Variants in KLHL8 observed in about 807,000 individuals in gnomAD.
KLHL8 encodes the protein kelch-like protein 8.
In KLHL8, 38 loss-of-function variants were observed where a neutral mutation model predicts 63.5. The ratio of observed to expected loss-of-function variants is 0.60; its 90% CI spans 0.46 to 0.78. The LOEUF (loss-of-function observed/expected upper bound fraction) is 0.78. KLHL8 is among the 30% of genes least tolerant of loss of function. The pLI is 0.00. For missense variants in KLHL8, 566 were observed against 752.4 expected, an observed-to-expected ratio of 0.75 and a Z score of 2.90; for synonymous variants, 224 against 254.3, an observed-to-expected ratio of 0.88 and a Z score of 1.13.
Position 87,161,522 on chromosome 4 carries a change from A to G in KLHL8, c.*1997T>C, listed in dbSNP as rs748092490. 2 of 152,220 alleles carry G rather than the reference A, an allele frequency of 1.3e-5. No individual in the cohort carries two copies. The highest frequency in any genetic ancestry group is 2.9e-5 in the Non-Finnish European group (2 of 68,034). 9.4% of individuals were successfully genotyped at this position (152,220 alleles called of 1,614,324 possible). ...TATAATAACCCTTATAACTCCTTAC[A>G]TATAAGAAAGACAGAAATACATCAA... On this transcript the variant is annotated 3_prime_UTR_variant, in exon 10 of 10. Transcript: ENST00000273963.
chr4:87,219,555 G>A (rs1032072638), intron 1 of KLHL8: 2 of 152,242 alleles, frequency 1.3e-5, no homozygotes, highest in Non-Finnish European at 2.9e-5. Flanking sequence ...CGTTTTCTAT[G>A]AAAAGTCACC....
At chr4:87,219,003 C>A (rs1381557307) in intron 1 of KLHL8, among the ~76,000 whole-genome samples, 2 of 151,916 alleles carry the variant, frequency 1.3e-5, no homozygotes, top group Non-Finnish European at 2.9e-5. Context: ...TCCCAAAGTG[C>A]TGGGATTACA....
At chr4:87,191,096 T>C (rs1368827560) in intron 2 of KLHL8, among the ~76,000 whole-genome samples, 1 of 152,150 alleles carries the variant, frequency 6.6e-6, no homozygotes, top group African/African-American at 2.4e-5. Flanking sequence ...TTAAAATGAA[T>C]AGTGAAGAGT....
chr4:87,235,310 G>A (rs1429955624), intron 1 of KLHL8, among the ~76,000 whole-genome samples: 1 of 152,012 alleles, frequency 6.6e-6, no homozygotes, highest in South Asian at 2.1e-4. Flanking sequence ...CCTTTCCTAC[G>A]TTTAGGTACA....
At position 87,195,588 on chromosome 4, in the gene KLHL8, AT is replaced by A. The variant is rs750291013; in HGVS notation, c.-50del. Reference sequence around the variant, plus strand: ...AGCTCTCTTCTCAAACATGCCATTTATTTTTTTTCAAAGGGTAGAGAGAAGG... The same window carrying A: ...AGCTCTCTTCTCAAACATGCCATTTATTTTTTTCAAAGGGTAGAGAGAAGG... On this transcript the variant is annotated 5_prime_UTR_variant, in exon 2 of 10. Transcript: ENST00000273963. 1.3e-5 allele frequency: 20 copies of A among 1,510,828 alleles called. No homozygotes were observed. Among genetic ancestry groups the A allele is most frequent in the East Asian group, 2.3e-5 (1 of 44,296 alleles). 93.6% of individuals were successfully genotyped at this position (1,510,828 alleles called of 1,614,324 possible).
intron 2 of KLHL8, among the ~76,000 whole-genome samples, chr4:87,189,949 G>A (rs940456901): frequency 4.7e-5 from 7 of 148,002 alleles, no homozygotes; most frequent in African/African-American, 1.5e-4. Context: ...CAGGAGAATC[G>A]CTTGAACCTC....
intron 9 of KLHL8, 79 bp from the exon 10 acceptor site, chr4:87,163,721 T>C: frequency 6.3e-7 from 1 of 1,581,444 alleles, no homozygotes; most frequent in Non-Finnish European, 8.6e-7. Context: ...AAAAATTCCC[T>C]ATGTGAGACT....
At chr4:87,227,606 T>C (rs893119725) in intron 1 of KLHL8, among the ~76,000 whole-genome samples, 52 of 126,336 alleles carry the variant, frequency 4.1e-4, no homozygotes, top group African/African-American at 1.4e-3. Flanking sequence ...GCTATGATCA[T>C]GCCATGCAGT....
chr4:87,180,405 A>C (rs1731005870), intron 4 of KLHL8, among the ~76,000 whole-genome samples: 1 of 152,234 alleles, frequency 6.6e-6, no homozygotes, highest in South Asian at 2.1e-4. Flanking sequence ...TTCACAACCA[A>C]GGCTAAGGTT....
At chr4:87,212,886 TG>T (rs1327768842) in intron 1 of KLHL8, among the ~76,000 whole-genome samples, 2 of 152,214 alleles carry the variant, frequency 1.3e-5, no homozygotes, top group Non-Finnish European at 2.9e-5. Context: ...CACCTAGGTT[TG>T]TGTAAGTATA....
chr4:87,164,901 C>T (rs1376474421), intron 8 of KLHL8, among the ~76,000 whole-genome samples: 1 of 151,990 alleles, frequency 6.6e-6, no homozygotes, highest in Non-Finnish European at 1.5e-5. Context: ...GTAATCCCAG[C>T]ACTTTGGGAG....
intron 4 of KLHL8, among the ~76,000 whole-genome samples, chr4:87,180,032 A>G (rs1033641316): frequency 9.2e-5 from 14 of 152,212 alleles, no homozygotes; most frequent in Admixed American, 6.5e-4. Context: ...TACTTTGAGC[A>G]GCAAAGGCTA....
chr4:87,239,028 T>C (rs188657307), intron 1 of KLHL8, among the ~76,000 whole-genome samples: 7 of 152,340 alleles, frequency 4.6e-5, no homozygotes, highest in Non-Finnish European at 1.5e-5. Context: ...TATTATATTT[T>C]TTAAAAATGC....
chr4:87,226,929 A>T (rs1171246236), intron 1 of KLHL8, among the ~76,000 whole-genome samples: 6 of 47,626 alleles, frequency 1.3e-4, no homozygotes, highest in Non-Finnish European at 2.3e-4. Context: ...TATATATATT[A>T]TATATAAATA....
intron 2 of KLHL8, among the ~76,000 whole-genome samples, chr4:87,188,978 T>C (rs1343856097): frequency 6.6e-6 from 1 of 152,190 alleles, no homozygotes; most frequent in African/African-American, 2.4e-5. Context: ...CCTTAGACAA[T>C]TAAATTTAAC....
chr4:87,195,782 C>A, intron 1 of KLHL8, 92 bp from the exon 2 acceptor site: 1 of 339,208 alleles, frequency 2.9e-6, no homozygotes, highest in Non-Finnish European at 5.3e-6. Flanking sequence ...TGCAAAATAA[C>A]TATATCAATC....
At chr4:87,200,827 A>G (rs891054123) in intron 1 of KLHL8, among the ~76,000 whole-genome samples, 1 of 152,234 alleles carries the variant, frequency 6.6e-6, no homozygotes, top group Non-Finnish European at 1.5e-5. Flanking sequence ...TAGTAAAGAC[A>G]TATTTGCACA....
intron 8 of KLHL8, among the ~76,000 whole-genome samples, chr4:87,168,284 CTA>C (rs1730483014): frequency 6.6e-6 from 1 of 152,132 alleles, no homozygotes; most frequent in African/African-American, 2.4e-5. Context: ...CTTGAGGGAA[CTA>C]TGAGGGTTTT....
In KLHL8 at chr4:87,163,868, T is replaced by C. The variant is rs778468125; in HGVS notation, c.1739+10A>G. The C allele has an allele frequency of 2.9e-5, 47 of 1,611,716 alleles. No individual in the cohort carries two copies. Among genetic ancestry groups the C allele is most frequent in the Non-Finnish European group, 3.6e-5 (43 of 1,178,152 alleles). On this transcript the variant is annotated intron_variant, in intron 9 of 9. Coordinates refer to ENST00000273963, the MANE Select transcript of KLHL8 (RefSeq NM_020803.5). The stretch of plus-strand genomic sequence containing the variant: ...GATAATATAAAGCACGGAGACAACA[T>C]GTAAATTACCTATTCAGCACTGGAT...
Sources: gnomAD v4.1 joint callset for allele counts (sites outside exome capture counted in the v4.1 genomes callset) on GRCh38, gnomAD v4.1.1 for gene constraint, MANE v1.5 for transcripts, NCBI Gene and HGNC (gene_info 2026-07-23, HGNC 2026-07-21) for gene names.